Variants in TRIQK observed in about 807,000 individuals in gnomAD.
The protein encoded by TRIQK is triple QxxK/R motif containing.
TRIQK carries 10 observed loss-of-function variants against 10.8 expected under a neutral mutation model. The observed-to-expected ratio is 0.92, with a 90% confidence interval of 0.57 to 1.57. The LOEUF (loss-of-function observed/expected upper bound fraction) is 1.57, where lower values mean the gene tolerates loss of function less well. TRIQK is among the 40% of genes most tolerant of loss of function. The pLI, the probability that TRIQK is intolerant of heterozygous loss-of-function variation, is 0.00. For synonymous variants in TRIQK, 33 were observed against 33.7 expected (o/e 0.98, Z 0.07); for missense variants, 107 against 97.7 (o/e 1.09, Z -0.40).
intron 4 of TRIQK, among the ~76,000 whole-genome samples, chr8:92,889,152 A>C (rs932218604): frequency 6.6e-6 from 1 of 151,628 alleles, no homozygotes; most frequent in African/African-American, 2.4e-5. Context: ...CTTATATGGA[A>C]ATTGCTAACT....
chr8:93,013,229 CT>C (rs1813354084), intron 1 of TRIQK, among the ~76,000 whole-genome samples: 1 of 152,166 alleles, frequency 6.6e-6, no homozygotes, highest in South Asian at 2.1e-4. Flanking sequence ...AGTAAATATG[CT>C]GATTCGATAA....
intron 2 of TRIQK, among the ~76,000 whole-genome samples, chr8:92,938,261 T>G (rs1811090840): frequency 6.6e-6 from 1 of 152,008 alleles, no homozygotes; most frequent in African/African-American, 2.4e-5. Flanking sequence ...ATTTTAAAAT[T>G]TTTAATTGAG....
chr8:92,998,466 A>G (rs972419206), intron 1 of TRIQK, among the ~76,000 whole-genome samples: 8 of 152,054 alleles, frequency 5.3e-5, no homozygotes, highest in Non-Finnish European at 1.2e-4. Flanking sequence ...TAGTGTTAGC[A>G]CAGTACAAAG....
At chr8:92,942,580 T>G (rs989256760) in intron 2 of TRIQK, among the ~76,000 whole-genome samples, 2 of 152,164 alleles carry the variant, frequency 1.3e-5, no homozygotes, top group East Asian at 3.9e-4. Flanking sequence ...GGCCTCCAAG[T>G]TGGAAAGGAA....
chr8:92,940,220 A>G (rs553102057), intron 2 of TRIQK, among the ~76,000 whole-genome samples: 1 of 152,272 alleles, frequency 6.6e-6, no homozygotes, highest in Admixed American at 6.5e-5. Flanking sequence ...AACTCCTGTA[A>G]ATGTGAGAAG....
Position 92,884,538 on chromosome 8 carries a change from T to C in TRIQK, c.*2084A>G. The C allele has an allele frequency of 3.4e-6, 1 of 295,818 alleles. No homozygotes were observed. The highest frequency in any genetic ancestry group is 3.2e-5 in the South Asian group (1 of 31,108). The allele number at this position is 295,818 out of a possible 1,614,324, so 18.3% of individuals were successfully genotyped here. On this transcript the variant is annotated 3_prime_UTR_variant, in exon 5 of 5. Transcript: ENST00000521988. ...CAGTGAAATTTGCCTATAATTATAC[T>C]ATATTTAGATTAATAGTTATCAAAA...
At chr8:92,961,777 A>G (rs1220122304) in intron 1 of TRIQK, among the ~76,000 whole-genome samples, 1 of 152,198 alleles carries the variant, frequency 6.6e-6, no homozygotes, top group East Asian at 1.9e-4. Context: ...AAACTTTTAA[A>G]TTGTTCAATA....
chr8:92,944,225 G>C (rs1178232655), intron 2 of TRIQK, among the ~76,000 whole-genome samples: 1 of 150,478 alleles, frequency 6.6e-6, no homozygotes, highest in Non-Finnish European at 1.5e-5. Context: ...TTTGCATGTG[G>C]AGAAAAGGAA....
intron 2 of TRIQK, chr8:92,953,298 C>A (rs1235518697): frequency 6.6e-6 from 1 of 151,958 alleles, no homozygotes; most frequent in East Asian, 1.9e-4. Flanking sequence ...GTTCACTCAT[C>A]AAGGGCCAGG....
chr8:92,944,272 C>T (rs1481002675), intron 2 of TRIQK, among the ~76,000 whole-genome samples: 1 of 140,178 alleles, frequency 7.1e-6, no homozygotes, highest in South Asian at 2.2e-4. Flanking sequence ...TAAATTAGTA[C>T]AGCCATTATG....
At chr8:92,986,510 A>G (rs115667213) in intron 1 of TRIQK, among the ~76,000 whole-genome samples, 4,342 of 152,248 alleles carry the variant, frequency 0.029, 205 homozygotes, top group African/African-American at 0.099. Flanking sequence ...AACTTAATTT[A>G]CCATGAGAAT....
chr8:93,016,889 A>T (rs1329576412), intron 1 of TRIQK, among the ~76,000 whole-genome samples: 1 of 152,142 alleles, frequency 6.6e-6, no homozygotes, highest in East Asian at 1.9e-4. Flanking sequence ...GGGATGAATT[A>T]AAAAATGTAT....
intron 2 of TRIQK, among the ~76,000 whole-genome samples, chr8:92,952,808 T>C (rs1811975540): frequency 6.6e-6 from 1 of 152,066 alleles, no homozygotes; most frequent in Non-Finnish European, 1.5e-5. Context: ...TAGTTCCCCA[T>C]TCAAAATTTA....
intron 2 of TRIQK, among the ~76,000 whole-genome samples, chr8:92,944,473 G>A (rs924177337): frequency 5.9e-5 from 9 of 151,962 alleles, no homozygotes; most frequent in East Asian, 3.9e-4. Context: ...CTGTATAAAC[G>A]AATAAGTGGA....
intron 2 of TRIQK, among the ~76,000 whole-genome samples, chr8:92,950,795 G>A (rs983615881): frequency 2.0e-5 from 3 of 151,930 alleles, no homozygotes; most frequent in Non-Finnish European, 4.4e-5. Flanking sequence ...ACATTCCAAC[G>A]AATATCTTCC....
intron 3 of TRIQK, among the ~76,000 whole-genome samples, chr8:92,906,262 A>C (rs1809252518): frequency 6.6e-6 from 1 of 152,154 alleles, no homozygotes; most frequent in Non-Finnish European, 1.5e-5. Flanking sequence ...ACCTATAGGC[A>C]AACTAGTAAA....
chr8:92,962,713 A>G (rs930158309), intron 1 of TRIQK, among the ~76,000 whole-genome samples: 5 of 152,098 alleles, frequency 3.3e-5, no homozygotes, highest in Admixed American at 1.3e-4. Flanking sequence ...ACCGGTTCAC[A>G]TTACTCCACC....
chr8:92,928,485 T>C (rs1282151849), intron 2 of TRIQK, among the ~76,000 whole-genome samples: 1 of 152,206 alleles, frequency 6.6e-6, no homozygotes, highest in Non-Finnish European at 1.5e-5. Context: ...GGGATACTCA[T>C]GAAAATGCAT....
intron 2 of TRIQK, among the ~76,000 whole-genome samples, chr8:92,929,973 T>C (rs1810628086): frequency 6.6e-6 from 1 of 152,092 alleles, no homozygotes; most frequent in Non-Finnish European, 1.5e-5. Flanking sequence ...GATTTTTTTA[T>C]GAAAACTGCT....
Sources: allele counts gnomAD v4.1 joint callset (sites outside exome capture counted in the v4.1 genomes callset), GRCh38; gene constraint gnomAD v4.1.1; transcripts MANE v1.5; gene names NCBI Gene and HGNC (gene_info 2026-07-23, HGNC 2026-07-21).